SPECC1L: variants seen among roughly 807,000 people sequenced by gnomAD.
SPECC1L encodes cytospin-A.
SPECC1L carries 40 observed loss-of-function variants against 116.8 expected under a neutral mutation model. The observed-to-expected ratio is 0.34, with a 90% confidence interval of 0.27 to 0.45. The LOEUF (loss-of-function observed/expected upper bound fraction) is 0.45, where lower values mean the gene tolerates loss of function less well. Ranked by LOEUF, SPECC1L falls within the 20% of genes least tolerant of loss-of-function variation. The pLI is 1.00. For missense variants in SPECC1L, 1,110 were observed against 1,373.6 expected (o/e 0.81, Z 3.03); for synonymous variants, 504 against 500.6 (o/e 1.01, Z -0.09).
chr22:24,340,378 C>G (rs2041151680), intron 10 of SPECC1L, among the ~76,000 whole-genome samples: 1 of 152,080 alleles, frequency 6.6e-6, no homozygotes, highest in South Asian at 2.1e-4. Flanking sequence ...AATTCCTGAC[C>G]TCAAGCAATC....
intron 14 of SPECC1L, among the ~76,000 whole-genome samples, chr22:24,397,952 CAG>C (rs1157150200): frequency 1.3e-5 from 2 of 152,212 alleles, no homozygotes; most frequent in African/African-American, 2.4e-5. Flanking sequence ...GAGAGAGAAG[CAG>C]AGTCATGTAA....
chr22:24,286,343 A>G (rs1198165581), intron 2 of SPECC1L, among the ~76,000 whole-genome samples: 2 of 152,166 alleles, frequency 1.3e-5, no homozygotes, highest in Admixed American at 6.5e-5. Context: ...GTTATTTTAC[A>G]TATTCTGTTT....
intron 14 of SPECC1L, among the ~76,000 whole-genome samples, chr22:24,384,733 T>A (rs1601323492): frequency 6.6e-6 from 1 of 152,200 alleles, no homozygotes; most frequent in Non-Finnish European, 1.5e-5. Flanking sequence ...TGAGATGTGC[T>A]GTGATTATAA....
Position 24,365,650 on chromosome 22 carries a change from T to C in SPECC1L, c.2984+18T>C, listed in dbSNP as rs200913262. On this transcript the variant is annotated intron_variant, in intron 13 of 16. Coordinates refer to ENST00000314328, the MANE Select transcript of SPECC1L (RefSeq NM_015330.6). ...CGAATAAGGTAGAGAACAGTTAATA[T>C]TCATGCATTTCGTGTGTACCTTTCC... The C allele has an allele frequency of 1.2e-6, 2 of 1,613,768 alleles. No homozygotes were observed. Among genetic ancestry groups the C allele is most frequent in the Admixed American group, 3.3e-5 (2 of 60,022 alleles).
At chr22:24,319,246 G>A (rs778782958) in intron 4 of SPECC1L, among the ~76,000 whole-genome samples, 1 of 152,204 alleles carries the variant, frequency 6.6e-6, no homozygotes, top group Non-Finnish European at 1.5e-5. Flanking sequence ...GAGATGGGGA[G>A]GCCTCTGGAA....
At chr22:24,312,348 C>T (rs985694117) in intron 3 of SPECC1L, among the ~76,000 whole-genome samples, 2 of 152,142 alleles carry the variant, frequency 1.3e-5, no homozygotes, top group African/African-American at 4.8e-5. Flanking sequence ...CATATGGACT[C>T]ACTGACATTT....
chr22:24,413,063 A>G lies in SPECC1L; in HGVS notation c.3264+356A>G, dbSNP rs145229055. Among the ~76,000 whole-genome samples, 578 of 152,248 alleles carry G rather than the reference A, an allele frequency of 3.8e-3. 5 individuals are homozygous for G. Among genetic ancestry groups the G allele is most frequent in the African/African-American group, 0.012 (497 of 41,526 alleles). Reference sequence around the variant, plus strand: ...AAAGAAAAATGTCATATGTTTATAAATCTCGCTGTCAAAAACACCACACCA... The same window carrying G: ...AAAGAAAAATGTCATATGTTTATAAGTCTCGCTGTCAAAAACACCACACCA... On this transcript the variant is annotated intron_variant, in intron 16 of 16. Coordinates refer to ENST00000314328, the MANE Select transcript of SPECC1L (RefSeq NM_015330.6).
At chr22:24,412,968 T>C (rs1484209040) in intron 16 of SPECC1L, among the ~76,000 whole-genome samples, 1 of 152,152 alleles carries the variant, frequency 6.6e-6, no homozygotes, top group African/African-American at 2.4e-5. Context: ...CCTGAGACCA[T>C]GGGCCCAGCC....
intron 8 of SPECC1L, among the ~76,000 whole-genome samples, chr22:24,331,878 A>C (rs9620376): frequency 0.23 from 35,546 of 152,096 alleles, 4,349 homozygotes; most frequent in Admixed American, 0.3. Context: ...GTAAAACATT[A>C]AATTATTAAT....
chr22:24,314,456 AAC>A (rs2040521726), intron 4 of SPECC1L, among the ~76,000 whole-genome samples: 1 of 152,240 alleles, frequency 6.6e-6, no homozygotes, highest in Non-Finnish European at 1.5e-5. Flanking sequence ...TTAAATTTCC[AAC>A]AGTCTTATAA....
In SPECC1L at chr22:24,415,144, C is replaced by T. The variant is rs2042777335; in HGVS notation, c.*521C>T. 5.2e-6 allele frequency: 1 copy of T among 192,902 alleles called. No individual in the cohort carries two copies. The highest frequency in any genetic ancestry group is 5.3e-5 in the Admixed American group (1 of 18,912). 11.9% of individuals were successfully genotyped at this position (192,902 alleles called of 1,614,324 possible). A position where few individuals can be genotyped will look rare whatever the true frequency, so the allele number is the denominator to read the frequency against. ...CCGTCCTAGTTTGGAGGAGCATGTT[C>T]ACCACAGACGTGGGTCAGCTGCCCC... On this transcript the variant is annotated 3_prime_UTR_variant, in exon 17 of 17. Transcript: ENST00000314328.
rs62233130 is a variant in SPECC1L, at chr22:24,341,218, C to T, written c.2652+2741C>T. 7.4e-3 allele frequency among the ~76,000 whole-genome samples: 1,127 copies of T among 152,322 alleles called. 6 individuals carry two copies. The highest frequency in any genetic ancestry group is 0.012 in the South Asian group (60 of 4,826). ...TGCATAGAGAAAGGAGTATAGAAAT[C>T]TGCGTAGGCATCCCTTTGAGTCTTT... On this transcript the variant is annotated intron_variant, in intron 10 of 16. Transcript: ENST00000314328.
intron 14 of SPECC1L, among the ~76,000 whole-genome samples, chr22:24,394,809 C>T (rs748964104): frequency 4.6e-5 from 7 of 152,150 alleles, no homozygotes; most frequent in African/African-American, 7.2e-5. Flanking sequence ...TATTTGCCAC[C>T]GTATATCTTC....
intron 3 of SPECC1L, among the ~76,000 whole-genome samples, chr22:24,307,840 C>G (rs776301017): frequency 1.4e-4 from 21 of 150,874 alleles, no homozygotes; most frequent in Non-Finnish European, 2.2e-4. Flanking sequence ...TGCCTGGCCC[C>G]TATTTTTTTT....
At chr22:24,407,206 T>C (rs2042608970) in intron 14 of SPECC1L, among the ~76,000 whole-genome samples, 1 of 152,204 alleles carries the variant, frequency 6.6e-6, no homozygotes, top group South Asian at 2.1e-4. Flanking sequence ...CTTGTATTGA[T>C]AGGAAATTTC....
At chr22:24,302,505 G>A in intron 3 of SPECC1L, 121 bp downstream of exon 3, 1 of 1,334,936 alleles carries the variant, frequency 7.5e-7, no homozygotes, top group Non-Finnish European at 1.1e-6. Flanking sequence ...GGAACACTTG[G>A]CCTTTGAAGA....
intron 10 of SPECC1L, among the ~76,000 whole-genome samples, chr22:24,339,974 A>G (rs2041139043): frequency 6.6e-6 from 1 of 151,890 alleles, no homozygotes; most frequent in Non-Finnish European, 1.5e-5. Context: ...TGGTAAAGAC[A>G]GGGTTCTGCC....
At chr22:24,359,544 G>C (rs2146609333) in intron 11 of SPECC1L, among the ~76,000 whole-genome samples, 1 of 152,020 alleles carries the variant, frequency 6.6e-6, no homozygotes, top group South Asian at 2.1e-4. Flanking sequence ...GCATCAAAGA[G>C]CCCTTGAATC....
chr22:24,333,939 G>A (rs1010176383), intron 8 of SPECC1L, among the ~76,000 whole-genome samples: 2 of 151,710 alleles, frequency 1.3e-5, no homozygotes, highest in Non-Finnish European at 1.5e-5. Context: ...TATTTACCAA[G>A]CAAATGAGAA....
Sources: gnomAD v4.1 joint callset for allele counts (sites outside exome capture counted in the v4.1 genomes callset) on GRCh38, gnomAD v4.1.1 for gene constraint, MANE v1.5 for transcripts, NCBI Gene and HGNC (gene_info 2026-07-23, HGNC 2026-07-21) for gene names.